STEAP4: variants seen among roughly 807,000 people sequenced by gnomAD.
The protein encoded by STEAP4 is STEAP4 metalloreductase.
In STEAP4, 36 loss-of-function variants were observed where a neutral mutation model predicts 43.6. The ratio of observed to expected loss-of-function variants is 0.83; its 90% CI spans 0.63 to 1.09. The LOEUF (loss-of-function observed/expected upper bound fraction) is 1.09. STEAP4 is among the 50% of genes least tolerant of loss of function. The probability of loss-of-function intolerance (pLI) is 0.00; values close to 1 mark genes in which losing one functional copy is unlikely to be tolerated. For missense variants in STEAP4, 495 were observed against 546.5 expected (o/e 0.91, Z 0.94); for synonymous variants, 191 against 196.7 (o/e 0.97, Z 0.24).
chr7:88,306,530 T>G (rs1341690563), intron 1 of STEAP4, among the ~76,000 whole-genome samples: 1 of 152,222 alleles, frequency 6.6e-6, no homozygotes, highest in East Asian at 1.9e-4. Flanking sequence ...CAGAGAAGAA[T>G]CTAACCCCTT....
chr7:88,284,659 G>T (rs913321220), intron 1 of STEAP4, among the ~76,000 whole-genome samples: 32 of 152,144 alleles, frequency 2.1e-4, no homozygotes, highest in African/African-American at 7.7e-4. Flanking sequence ...TTAATAGAAG[G>T]TTTATGTTGA....
intron 3 of STEAP4, 68 bp from the exon 4 acceptor site, chr7:88,281,147 T>G (rs1852613960): frequency 7.8e-7 from 1 of 1,287,750 alleles, no homozygotes; most frequent in Non-Finnish European, 1.0e-6. Flanking sequence ...CTGCCCACAC[T>G]TTGACAGTGG....
rs1056544101 is a variant in STEAP4, at chr7:88,273,596, T to G, written c.*5802A>C. 3.9e-5 allele frequency: 6 copies of G among 152,166 alleles called. No homozygotes were observed. The highest frequency in any genetic ancestry group is 1.4e-4 in the African/African-American group (6 of 41,434). 9.4% of individuals were successfully genotyped at this position (152,166 alleles called of 1,614,324 possible). A position where few individuals can be genotyped will look rare whatever the true frequency, so the allele number is the denominator to read the frequency against. On this transcript the variant is annotated 3_prime_UTR_variant, in exon 5 of 5. Coordinates refer to ENST00000380079, the MANE Select transcript of STEAP4 (RefSeq NM_024636.4). ...TTATGAAATTTCTTGCATGGGTTAC[T>G]GGATCTCAAAAACAAATAAGTTCAC...
chr7:88,284,257 A>G lies in STEAP4; in HGVS notation c.13T>C (p.Cys5Arg). Residue 5 changes from cysteine (C) to arginine (R), a missense_variant, in exon 2 of 5, where the codon TGT (cysteine) becomes CGT (arginine). Cys to Arg is a radical substitution (Grantham distance 180, BLOSUM62 -3). Coordinates refer to ENST00000380079, the MANE Select transcript of STEAP4 (RefSeq NM_024636.4). Reference protein sequence around the residue: MEKTCIDALPLTMNS... With the variant: MEKTRIDALPLTMNS... The stretch of plus-strand genomic sequence containing the variant: ...ATAGTAAGAGGAAGTGCATCTATAC[A>G]AGTTTTCTCCATAACTGAAAAATAA... 2 of 1,583,794 alleles carry G rather than the reference A, an allele frequency of 1.3e-6. No homozygotes were observed. Among genetic ancestry groups the G allele is most frequent in the South Asian group, 2.3e-5 (2 of 87,524 alleles).
In STEAP4 at chr7:88,277,320, C is replaced by A. The variant is rs1165826700; in HGVS notation, c.*2078G>T. 2 of 152,084 alleles carry A rather than the reference C, an allele frequency of 1.3e-5. No homozygotes were observed. Among genetic ancestry groups the A allele is most frequent in the Admixed American group, 6.6e-5 (1 of 15,264 alleles). 9.4% of individuals were successfully genotyped at this position (152,084 alleles called of 1,614,324 possible). The stretch of plus-strand genomic sequence containing the variant: ...GGAGCGTGTGTTCTGTGTACCTTTG[C>A]AACCAGTTATAAATAAACGCAAATT... On this transcript the variant is annotated 3_prime_UTR_variant, in exon 5 of 5. Coordinates refer to ENST00000380079, the MANE Select transcript of STEAP4 (RefSeq NM_024636.4).
chr7:88,283,713 G>T, intron 2 of STEAP4, 101 bp downstream of exon 2: 1 of 1,244,786 alleles, frequency 8.0e-7, no homozygotes, highest in Non-Finnish European at 1.1e-6. Context: ...GTAATATTTA[G>T]TGGGCATTTC....
chr7:88,282,921 G>A lies in STEAP4; in HGVS notation c.704C>T (p.Thr235Ile), dbSNP rs762406167. The change falls in exon 3 of 5, where the codon ACA (threonine) becomes ATA (isoleucine). Residue 235 changes from threonine to isoleucine, a missense_variant. By Grantham distance (89) the Thr-to-Ile change is moderately conservative. Transcript: ENST00000380079. Reference sequence around the variant, plus strand: ...TGGAATGGAAATAGCCATACGAAATGTATTATCTTTCTTTTCATAAACATA... The same window carrying A: ...TGGAATGGAAATAGCCATACGAAATATATTATCTTTCTTTTCATAAACATA... ...YPYVYEKKDN[T>I]FRMAISIPNR... 1.2e-6 allele frequency: 2 copies of A among 1,614,054 alleles called. No individual in the cohort carries two copies. The highest frequency in any genetic ancestry group is 1.7e-5 in the Admixed American group (1 of 59,992).
intron 1 of STEAP4, among the ~76,000 whole-genome samples, chr7:88,286,807 A>ACG (rs1165140017): frequency 1.8e-5 from 2 of 109,416 alleles, no homozygotes; most frequent in Admixed American, 9.1e-5. Context: ...ACACACACAC[A>ACG]CGCAAACAAT....
chr7:88,283,389 G>T, intron 2 of STEAP4: 1 of 520,924 alleles, frequency 1.9e-6, no homozygotes, highest in Non-Finnish European at 3.3e-6. Context: ...ATGGTTTTAG[G>T]CACATCACAC....
At chr7:88,291,401 C>T (rs1046011890) in intron 1 of STEAP4, among the ~76,000 whole-genome samples, 8 of 151,082 alleles carry the variant, frequency 5.3e-5, no homozygotes, top group Non-Finnish European at 8.8e-5. Context: ...GGGGAAAGAT[C>T]GCTTGAACCT....
chr7:88,292,090 T>TGC (rs994089248), intron 1 of STEAP4: 5 of 152,392 alleles, frequency 3.3e-5, no homozygotes, highest in Admixed American at 6.5e-5. Context: ...TGTGTGTGTG[T>TGC]GCGCGCGCGT....
chr7:88,283,364 G>T, intron 2 of STEAP4, 196 bp from the exon 3 acceptor site: 1 of 574,928 alleles, frequency 1.7e-6, no homozygotes, highest in Non-Finnish European at 2.9e-6. Context: ...TAAGTACCAG[G>T]GTTTTTAGTT....
Position 88,274,514 on chromosome 7 carries a change from A to G in STEAP4, c.*4884T>C, listed in dbSNP as rs1191176137. On this transcript the variant is annotated 3_prime_UTR_variant, in exon 5 of 5. Coordinates refer to ENST00000380079, the MANE Select transcript of STEAP4 (RefSeq NM_024636.4). ...CCTCGAGCTTGAGGAGAGGTAATGC[A>G]TATGTTACCAGAAAGGGGGTCCAAT... 6.6e-6 allele frequency: 1 copy of G among 152,166 alleles called. No homozygotes were observed. Among genetic ancestry groups the G allele is most frequent in the South Asian group, 2.1e-4 (1 of 4,828 alleles). 9.4% of individuals were successfully genotyped at this position (152,166 alleles called of 1,614,324 possible).
intron 1 of STEAP4, chr7:88,292,668 G>C (rs1200061354): frequency 1.3e-5 from 2 of 152,062 alleles, no homozygotes; most frequent in Non-Finnish European, 2.9e-5. Context: ...CTTCAATCAG[G>C]TTAGAGACTA....
intron 2 of STEAP4, 110 bp from the exon 3 acceptor site, chr7:88,283,278 C>A: frequency 1.8e-6 from 2 of 1,142,726 alleles, no homozygotes; most frequent in Non-Finnish European, 2.4e-6. Flanking sequence ...AAACAGTGAA[C>A]CGATTTTAAA....
At chr7:88,293,905 A>G (rs932526473) in intron 1 of STEAP4, among the ~76,000 whole-genome samples, 1 of 152,044 alleles carries the variant, frequency 6.6e-6, no homozygotes, top group Non-Finnish European at 1.5e-5. Flanking sequence ...GAAAACTATT[A>G]TAGCTACTCT....
intron 1 of STEAP4, chr7:88,304,207 G>A (rs1286189092): frequency 6.6e-6 from 1 of 152,152 alleles, no homozygotes; most frequent in Admixed American, 6.5e-5. Context: ...AGTGGGGAGG[G>A]ATAGCATTGG....
chr7:88,297,406 A>G (rs1852941085), intron 1 of STEAP4, among the ~76,000 whole-genome samples: 2 of 152,292 alleles, frequency 1.3e-5, no homozygotes, highest in Non-Finnish European at 1.5e-5. Flanking sequence ...GAGGAGACAG[A>G]GAGGGAGACT....
chr7:88,284,043 A>G lies in STEAP4; in HGVS notation c.227T>C (p.Ile76Thr), dbSNP rs1289255354. The change falls in exon 2 of 5, where the codon ATC becomes ACC. Residue 76 changes from isoleucine to threonine, a missense_variant. Ile to Thr is a moderately conservative substitution (Grantham distance 89, BLOSUM62 -1). Transcript: ENST00000380079. ...CTCTCTGTGGATTGCTATGATTATGATGCCAGACTTCTTGGCTGCTTCTGA... is the reference window on the plus strand; with the variant it reads ...CTCTCTGTGGATTGCTATGATTATGGTGCCAGACTTCTTGGCTGCTTCTGA... ...SYSEAAKKSG[I>T]IIIAIHREHY... The G allele has an allele frequency of 6.2e-7, 1 of 1,614,146 alleles. No homozygotes were observed. Among genetic ancestry groups the G allele is most frequent in the Admixed American group, 1.7e-5 (1 of 60,010 alleles).
Sources: gnomAD v4.1 joint callset for allele counts (sites outside exome capture counted in the v4.1 genomes callset) on GRCh38, gnomAD v4.1.1 for gene constraint, MANE v1.5 for transcripts, NCBI Gene and HGNC (gene_info 2026-07-23, HGNC 2026-07-21) for gene names.